NAP1L1: variants seen among roughly 807,000 people sequenced by gnomAD.
NAP1L1 encodes nucleosome assembly protein 1-like 1.
NAP1L1 carries 9 observed loss-of-function variants against 58.9 expected under a neutral mutation model. The ratio of observed to expected loss-of-function variants is 0.15; its 90% confidence interval spans 0.09 to 0.27. The LOEUF (loss-of-function observed/expected upper bound fraction) is 0.27. Among genes scored for constraint, NAP1L1 ranks in the 10% least tolerant of loss-of-function variants. The pLI, the probability that NAP1L1 is intolerant of heterozygous loss-of-function variation, is 1.00. For synonymous variants in NAP1L1, 130 were observed against 138.3 expected (o/e 0.94, Z 0.42); for missense variants, 302 against 458.8 (o/e 0.66, Z 3.12).
intron 4 of NAP1L1, among the ~76,000 whole-genome samples, chr12:76,064,418 T>A (rs1485470916): frequency 6.6e-6 from 1 of 152,080 alleles, no homozygotes; most frequent in Non-Finnish European, 1.5e-5. Flanking sequence ...AGCATACAGA[T>A]CTTCACACTC....
chr12:76,036,873 C>T lies in NAP1L1; in HGVS notation c.*11556G>A, dbSNP rs1239067299. 1 of 148,748 alleles carries T rather than the reference C, an allele frequency of 6.7e-6. No individual in the cohort carries two copies. The highest frequency in any genetic ancestry group is 1.5e-5 in the Non-Finnish European group (1 of 67,462). The allele number at this position is 148,748 out of a possible 1,614,324, so 9.2% of individuals were successfully genotyped here. A position where few individuals can be genotyped will look rare whatever the true frequency, so the allele number is the denominator to read the frequency against. On this transcript the variant is annotated 3_prime_UTR_variant, in exon 15 of 15. Coordinates refer to ENST00000618691, the MANE Select transcript of NAP1L1 (RefSeq NM_004537.7). Reference sequence around the variant, plus strand: ...GGATTGCCTGAGGTCAGGAGCTCGACACAAGTCTGGCCAACATGGTGAAAC... The same window carrying T: ...GGATTGCCTGAGGTCAGGAGCTCGATACAAGTCTGGCCAACATGGTGAAAC...
Position 76,062,155 on chromosome 12 carries a change from G to A in NAP1L1, c.207-1876C>T, listed in dbSNP as rs543121173. Among the ~76,000 whole-genome samples the A allele has an allele frequency of 6.6e-5, 10 of 152,302 alleles. No individual in the cohort carries two copies. In the South Asian group the frequency reaches 1.5e-3, roughly 22 times the overall value. On this transcript the variant is annotated intron_variant, in intron 4 of 14. Coordinates refer to ENST00000618691, the MANE Select transcript of NAP1L1 (RefSeq NM_004537.7). ...TTCACCCTTCACAAGAGCCCAATGCGAGGGTTGATGAAAGCTGCACGGTTC... is the reference window on the plus strand; with the variant it reads ...TTCACCCTTCACAAGAGCCCAATGCAAGGGTTGATGAAAGCTGCACGGTTC...
At chr12:76,080,128 T>C (rs1950344553) in intron 1 of NAP1L1, among the ~76,000 whole-genome samples, 1 of 152,180 alleles carries the variant, frequency 6.6e-6, no homozygotes, top group African/African-American at 2.4e-5. Context: ...TCACATAACG[T>C]TTCAGTCAAC....
chr12:76,060,351 C>G, intron 4 of NAP1L1, 72 bp from the exon 5 acceptor site: 1 of 1,486,030 alleles, frequency 6.7e-7, no homozygotes, highest in Non-Finnish European at 9.2e-7. Context: ...CATACTGAAA[C>G]TGAAGCATTG....
At chr12:76,059,118 TA>T in intron 6 of NAP1L1, among the ~76,000 whole-genome samples, 1 of 152,220 alleles carries the variant, frequency 6.6e-6, no homozygotes, top group Non-Finnish European at 1.5e-5. Flanking sequence ...TGATTTATAA[TA>T]AAAAATTGCA....
chr12:76,048,569 A>G (rs771286688), intron 14 of NAP1L1, 105 bp from the exon 15 acceptor site: 24 of 1,149,934 alleles, frequency 2.1e-5, no homozygotes, highest in African/African-American at 3.0e-5. Context: ...ACTGTTGTCA[A>G]AAGAAATGGT....
intron 6 of NAP1L1, chr12:76,057,803 A>T (rs1949188454): frequency 6.4e-7 from 1 of 1,551,058 alleles, no homozygotes; most frequent in South Asian, 1.2e-5. Flanking sequence ...ACAGCAGGGG[A>T]AGAAGAGGAG....
rs202002589 is a variant in NAP1L1 at position 76,079,684 on chromosome 12, A to ATT, written c.-21+4881_-21+4882dup. Among the ~76,000 whole-genome samples, 1,366 of 140,666 alleles carry ATT rather than the reference A, an allele frequency of 9.7e-3. 15 individuals are homozygous for ATT. Among genetic ancestry groups the ATT allele is most frequent in the Middle Eastern group, 0.029 (8 of 274 alleles). 92.3% of individuals were successfully genotyped at this position (140,666 alleles called of 152,430 possible). ...TGACCCTAAAAACATGCTTGAAGGCATTTTTTTTTTTTTTTTGGAGACAAG... is the reference window on the plus strand; with the variant it reads ...TGACCCTAAAAACATGCTTGAAGGCATTTTTTTTTTTTTTTTTTGGAGACAAG... On this transcript the variant is annotated intron_variant, in intron 1 of 14. Transcript: ENST00000618691.
chr12:76,078,375 G>A (rs1006321426), intron 1 of NAP1L1, among the ~76,000 whole-genome samples: 1 of 151,850 alleles, frequency 6.6e-6, no homozygotes, highest in African/African-American at 2.4e-5. Context: ...ATCTGTCCCT[G>A]GTATATTCAG....
At chr12:76,074,638 C>T (rs1950104419) in intron 1 of NAP1L1, among the ~76,000 whole-genome samples, 4 of 152,164 alleles carry the variant, frequency 2.6e-5, no homozygotes, top group Non-Finnish European at 5.9e-5. Context: ...TTTTAGACTA[C>T]GTAGCATCTT....
At chr12:76,057,695 G>A in intron 6 of NAP1L1, 1 of 1,512,500 alleles carries the variant, frequency 6.6e-7, no homozygotes, top group Non-Finnish European at 9.0e-7. Context: ...GTTGCTAAAT[G>A]TAGACAATGA....
Position 76,057,857 on chromosome 12 carries a change from AAAAC to A in NAP1L1, c.430-1700_430-1697del, listed in dbSNP as rs1196032071. ...GGTGGAAGGGGTCAAATAAAACAAA[AAAAC>A]AAAGACGGTACCACAAAAGGTTACT... On this transcript the variant is annotated intron_variant, in intron 6 of 14. Coordinates refer to ENST00000618691, the MANE Select transcript of NAP1L1 (RefSeq NM_004537.7). 6.7e-6 allele frequency: 10 copies of A among 1,494,598 alleles called. No individual in the cohort carries two copies. In the African/African-American group the frequency reaches 1.3e-4, roughly 19 times the overall value. The allele number at this position is 1,494,598 out of a possible 1,614,324, so 92.6% of individuals were successfully genotyped here. A position where few individuals can be genotyped will look rare whatever the true frequency, so the allele number is the denominator to read the frequency against.
intron 6 of NAP1L1, chr12:76,057,732 T>C: frequency 6.5e-7 from 1 of 1,548,140 alleles, no homozygotes; most frequent in Non-Finnish European, 8.7e-7. Flanking sequence ...CAAATGAATA[T>C]GCAAAACTTA....
rs1948539907 is a variant in NAP1L1 at position 76,040,166 on chromosome 12, AAT to A, written c.*8261_*8262del. 6.6e-6 allele frequency: 1 copy of A among 152,202 alleles called. No individual in the cohort carries two copies. Among genetic ancestry groups the A allele is most frequent in the African/African-American group, 2.4e-5 (1 of 41,436 alleles). 9.4% of individuals were successfully genotyped at this position (152,202 alleles called of 1,614,324 possible). A position where few individuals can be genotyped will look rare whatever the true frequency, so the allele number is the denominator to read the frequency against. On this transcript the variant is annotated 3_prime_UTR_variant, in exon 15 of 15. Coordinates refer to ENST00000618691, the MANE Select transcript of NAP1L1 (RefSeq NM_004537.7). ...CTCCCTGAACAGGCATACAATATGT[AAT>A]TTAAGCTTTGATGTCTTTGGTCATT...
rs967367552 is a variant in NAP1L1 at position 76,037,143 on chromosome 12, GA to G, written c.*11285del. The G allele has an allele frequency of 3.2e-4, 49 of 152,294 alleles. No individual in the cohort carries two copies. Among genetic ancestry groups the G allele is most frequent in the African/African-American group, 1.1e-3 (47 of 41,570 alleles). The allele number at this position is 152,294 out of a possible 1,614,324, so 9.4% of individuals were successfully genotyped here. On this transcript the variant is annotated 3_prime_UTR_variant, in exon 15 of 15. Transcript: ENST00000618691. Reference sequence around the variant, plus strand: ...GACTTCTTAGCCTTATTTCATCTTTGAAGTACTATTCAGAAGAAATATTCTA... The same window carrying G: ...GACTTCTTAGCCTTATTTCATCTTTGAGTACTATTCAGAAGAAATATTCTA...
At chr12:76,056,293 C>G (rs1045335971) in intron 6 of NAP1L1, 132 bp from the exon 7 acceptor site, 5 of 878,518 alleles carry the variant, frequency 5.7e-6, no homozygotes, top group Admixed American at 6.0e-5. Flanking sequence ...GTGTAAACAC[C>G]GCCGTTGCCC....
At chr12:76,055,845 T>C (rs1419440162) in intron 7 of NAP1L1, among the ~76,000 whole-genome samples, 188 bp downstream of exon 7, 5 of 152,230 alleles carry the variant, frequency 3.3e-5, no homozygotes, top group African/African-American at 9.6e-5. Flanking sequence ...TATCTCATTT[T>C]TTAAAATAAA....
In NAP1L1 at chr12:76,040,131, A is replaced by G. The variant is rs1486914045; in HGVS notation, c.*8298T>C. On this transcript the variant is annotated 3_prime_UTR_variant, in exon 15 of 15. Coordinates refer to ENST00000618691, the MANE Select transcript of NAP1L1 (RefSeq NM_004537.7). ...AGATTCCAAAATGATGGGGAAAAGCATATGTTTTTCTCCCTGAACAGGCAT... is the reference window on the plus strand; with the variant it reads ...AGATTCCAAAATGATGGGGAAAAGCGTATGTTTTTCTCCCTGAACAGGCAT... 1.3e-5 allele frequency: 2 copies of G among 152,136 alleles called. No homozygotes were observed. The highest frequency in any genetic ancestry group is 2.9e-5 in the Non-Finnish European group (2 of 68,030). 9.4% of individuals were successfully genotyped at this position (152,136 alleles called of 1,614,324 possible).
rs1289747874 is a variant in NAP1L1 at position 76,041,314 on chromosome 12, G to A, written c.*7115C>T. On this transcript the variant is annotated 3_prime_UTR_variant, in exon 15 of 15. Coordinates refer to ENST00000618691, the MANE Select transcript of NAP1L1 (RefSeq NM_004537.7). Reference sequence around the variant, plus strand: ...AATTAGGAAACTCATTAATAAGCAAGTGTTTCTAGAGTATTTTGAACTGGT... The same window carrying A: ...AATTAGGAAACTCATTAATAAGCAAATGTTTCTAGAGTATTTTGAACTGGT... 6.6e-6 allele frequency: 1 copy of A among 152,172 alleles called. No individual in the cohort carries two copies. The highest frequency in any genetic ancestry group is 1.5e-5 in the Non-Finnish European group (1 of 68,040). The allele number at this position is 152,172 out of a possible 1,614,324, so 9.4% of individuals were successfully genotyped here.
Sources: allele counts gnomAD v4.1 joint callset (sites outside exome capture counted in the v4.1 genomes callset), GRCh38; gene constraint gnomAD v4.1.1; transcripts MANE v1.5; gene names NCBI Gene and HGNC (gene_info 2026-07-23, HGNC 2026-07-21).